The following PIAS1 variants were observed in gnomAD, a reference collection of about 807,000 sequenced individuals.
PIAS1 encodes protein inhibitor of activated STAT 1.
PIAS1 carries 6 observed loss-of-function variants against 71.3 expected under a neutral mutation model. That is an observed-to-expected ratio of 0.08 (90% CI 0.05 to 0.17). The LOEUF (loss-of-function observed/expected upper bound fraction) is 0.17, where lower values mean the gene tolerates loss of function less well. PIAS1 is among the 10% of genes least tolerant of loss of function. The pLI, the probability that PIAS1 is intolerant of heterozygous loss-of-function variation, is 1.00. For missense variants in PIAS1, 555 were observed against 793.6 expected, an observed-to-expected ratio of 0.70 and a Z score of 3.61; for synonymous variants, 303 against 292.9, an observed-to-expected ratio of 1.03 and a Z score of -0.35.
Position 68,100,906 on chromosome 15 carries a change from T to G in PIAS1, c.469+14156T>G, listed in dbSNP as rs868064907. ...TTGTTGTTGTTTTTGTTTTGTTTTT[T>G]TTTTTTTGAGATAAGGTCTCGCTCT... On this transcript the variant is annotated intron_variant, in intron 2 of 13. Transcript: ENST00000249636. Among the ~76,000 whole-genome samples, 627 of 151,908 alleles carry G rather than the reference T, an allele frequency of 4.1e-3. 6 individuals are homozygous for G. Among genetic ancestry groups the G allele is most frequent in the African/African-American group, 0.014 (563 of 41,418 alleles).
intron 2 of PIAS1, among the ~76,000 whole-genome samples, chr15:68,114,881 G>A (rs1251177973): frequency 1.3e-5 from 2 of 151,910 alleles, no homozygotes; most frequent in African/African-American, 4.8e-5. Flanking sequence ...TATGTATTTT[G>A]AGTTGTAATT....
At chr15:68,127,980 G>A (rs987458362) in intron 2 of PIAS1, among the ~76,000 whole-genome samples, 2 of 152,108 alleles carry the variant, frequency 1.3e-5, no homozygotes, top group African/African-American at 4.8e-5. Context: ...AGCCAGGCTG[G>A]TTTCGAACTC....
intron 8 of PIAS1, 143 bp downstream of exon 8, chr15:68,164,947 C>T: frequency 1.8e-6 from 1 of 556,848 alleles, no homozygotes; most frequent in Non-Finnish European, 3.2e-6. Flanking sequence ...GGAAAGACAT[C>T]TAGGCATTGC....
rs753083637 is a variant in PIAS1, at chr15:68,175,735, A to G, written c.1268A>G (p.Gln423Arg). Reference protein sequence around the residue: ...WAPMRSKKEVQEVSASYNGVD... With the variant: ...WAPMRSKKEVREVSASYNGVD... ...CCGATGAGATCAAAAAAGGAAGTAC[A>G]GGAAGTTTCTGCCTCTTACAATGGA... Residue 423 changes from glutamine (Q) to arginine (R), a missense_variant, in exon 10 of 14, where the codon CAG (glutamine) becomes CGG (arginine). Physicochemically the swap from Gln to Arg is conservative, Grantham distance 43. Around this residue, in one of 5 missense-constraint regions of PIAS1, gnomAD observed 244 missense variants for 307.5 expected, o/e 0.79. Coordinates refer to ENST00000249636, the MANE Select transcript of PIAS1 (RefSeq NM_016166.3). 2 of 1,607,468 alleles carry G rather than the reference A, an allele frequency of 1.2e-6. No individual in the cohort carries two copies. Among genetic ancestry groups the G allele is most frequent in the Admixed American group, 3.4e-5 (2 of 59,428 alleles).
At chr15:68,079,874 C>G (rs897890587) in intron 1 of PIAS1, among the ~76,000 whole-genome samples, 1 of 151,756 alleles carries the variant, frequency 6.6e-6, no homozygotes, top group Non-Finnish European at 1.5e-5. Flanking sequence ...CTGTTGTTGC[C>G]CAGGCTGGAG....
intron 1 of PIAS1, among the ~76,000 whole-genome samples, chr15:68,080,783 A>G (rs2092221827): frequency 3.9e-5 from 6 of 152,270 alleles, no homozygotes; most frequent in Admixed American, 3.9e-4. Context: ...TTATGACATT[A>G]TTAAATCCCT....
chr15:68,108,407 C>T (rs1263019938), intron 2 of PIAS1, among the ~76,000 whole-genome samples: 2 of 152,124 alleles, frequency 1.3e-5, no homozygotes, highest in Non-Finnish European at 2.9e-5. Context: ...CAGGATTCCA[C>T]ACTCTCTTGA....
Position 68,186,711 on chromosome 15 carries a change from T to G in PIAS1, c.1663-831T>G, listed in dbSNP as rs1329973863. Among the ~76,000 whole-genome samples the G allele has an allele frequency of 5.9e-5, 9 of 152,272 alleles. No individual in the cohort carries two copies. Among genetic ancestry groups the G allele is most frequent in the Non-Finnish European group, 1.2e-4 (8 of 68,044 alleles). ...TACAGGTGTATCATTTTTTTATCTT[T>G]TATACCATATTTTTACTGTACCTTT... is the stretch of plus-strand genomic sequence containing the variant. On this transcript the variant is annotated intron_variant, in intron 13 of 13. Coordinates refer to ENST00000249636, the MANE Select transcript of PIAS1 (RefSeq NM_016166.3). The surrounding 1 kb of genome is among the most constrained non-coding windows in gnomAD (Gnocchi z 4.4).
chr15:68,058,558 C>T (rs1049953136), intron 1 of PIAS1, among the ~76,000 whole-genome samples: 1 of 152,158 alleles, frequency 6.6e-6, no homozygotes, highest in East Asian at 1.9e-4. Context: ...GCCCAGTTCA[C>T]AGATTTCTAC....
At chr15:68,131,503 A>G (rs899644654) in intron 2 of PIAS1, among the ~76,000 whole-genome samples, 1 of 151,640 alleles carries the variant, frequency 6.6e-6, no homozygotes, top group South Asian at 2.1e-4. Context: ...TATTTCTCCT[A>G]TCTTCTAACC....
intron 7 of PIAS1, among the ~76,000 whole-genome samples, chr15:68,163,138 A>C (rs1401772804): frequency 2.0e-5 from 3 of 152,222 alleles, no homozygotes; most frequent in Non-Finnish European, 4.4e-5. Flanking sequence ...GTGAGTAATC[A>C]CATTAGAATT....
chr15:68,165,259 T>C (rs2092950272), intron 8 of PIAS1, among the ~76,000 whole-genome samples: 1 of 152,046 alleles, frequency 6.6e-6, no homozygotes, highest in African/African-American at 2.4e-5. Flanking sequence ...GTAGCTGGGA[T>C]TATAGGCATG....
At chr15:68,085,750 G>A (rs2092274907) in intron 1 of PIAS1, among the ~76,000 whole-genome samples, 1 of 152,144 alleles carries the variant, frequency 6.6e-6, no homozygotes, top group African/African-American at 2.4e-5. Flanking sequence ...TAGAATATCT[G>A]ATATATAATT....
intron 1 of PIAS1, among the ~76,000 whole-genome samples, chr15:68,072,927 C>G (rs1266235912): frequency 6.6e-6 from 1 of 152,160 alleles, no homozygotes; most frequent in Non-Finnish European, 1.5e-5. Context: ...TGTTTGAACA[C>G]TAGTTGCTGA....
intron 7 of PIAS1, among the ~76,000 whole-genome samples, chr15:68,163,043 C>T (rs1114159): frequency 0.1 from 15,606 of 152,246 alleles, 2,684 homozygotes; most frequent in African/African-American, 0.35. Context: ...GAAACACACT[C>T]GCAGACACTT....
At chr15:68,077,839 GTTCAGTACCA>G (rs2092185731) in intron 1 of PIAS1, among the ~76,000 whole-genome samples, 1 of 152,194 alleles carries the variant, frequency 6.6e-6, no homozygotes, top group African/African-American at 2.4e-5. Flanking sequence ...CTCGGAAATA[GTTCAGTACCA>G]CCCCTCTAGG....
Position 68,187,717 on chromosome 15 carries a change from G to A in PIAS1, c.1838G>A (p.Ser613Asn), listed in dbSNP as rs1278452140. Reference sequence around the variant, plus strand: ...AATGGAAGCAGTAGTGGCAGTAACAGCAGCCTGGTTTCTTCCAACAGCCTA... The same window carrying A: ...AATGGAAGCAGTAGTGGCAGTAACAACAGCCTGGTTTCTTCCAACAGCCTA... ...TTNGSSSGSN[S>N]SLVSSNSLRE... Residue 613 changes from serine (S) to asparagine (N), a missense_variant, in exon 14 of 14, where the codon AGC becomes AAC. Physicochemically the swap from Ser to Asn is conservative, Grantham distance 46. Coordinates refer to ENST00000249636, the MANE Select transcript of PIAS1 (RefSeq NM_016166.3). The surrounding 1 kb of genome is among the most constrained non-coding windows in gnomAD (Gnocchi z 5.3). 1.2e-6 allele frequency: 2 copies of A among 1,613,968 alleles called. No individual in the cohort carries two copies. Among genetic ancestry groups the A allele is most frequent in the Admixed American group, 3.3e-5 (2 of 60,010 alleles).
At chr15:68,104,513 T>C (rs1045492899) in intron 2 of PIAS1, among the ~76,000 whole-genome samples, 2 of 152,218 alleles carry the variant, frequency 1.3e-5, no homozygotes, top group African/African-American at 4.8e-5. Context: ...CATGTATTCA[T>C]AGTTGTTTCT....
At position 68,069,891 on chromosome 15, in the gene PIAS1, T is replaced by C. The variant is rs551151114; in HGVS notation, c.24+15541T>C. Among the ~76,000 whole-genome samples, 6 of 152,276 alleles carry C rather than the reference T, an allele frequency of 3.9e-5. No individual in the cohort carries two copies. The East Asian group carries it at 9.6e-4, about 24-fold the overall frequency. ...TGGTTCTCTTGTACCTTTCCATATT[T>C]GAATTTTTATAGAGAGCAGATGTTT... On this transcript the variant is annotated intron_variant, in intron 1 of 13. Coordinates refer to ENST00000249636, the MANE Select transcript of PIAS1 (RefSeq NM_016166.3).
Sources: gnomAD v4.1 joint callset for allele counts (sites outside exome capture counted in the v4.1 genomes callset) on GRCh38, gnomAD v4.1.1 for gene constraint, gnomAD v4.1.1 regional missense constraint, Gnocchi (gnomAD v3.1) non-coding constraint, MANE v1.5 for transcripts, NCBI Gene and HGNC (gene_info 2026-07-23, HGNC 2026-07-21) for gene names.